LIN54: variants seen among roughly 807,000 people sequenced by gnomAD.
The protein encoded by LIN54 is lin-54 DREAM MuvB core complex component.
A neutral mutation model predicts 78.7 loss-of-function variants in LIN54; 9 were observed. The observed-to-expected ratio is 0.11, with a 90% CI of 0.07 to 0.20. The LOEUF is 0.20. Ranked by LOEUF, LIN54 falls within the 10% of genes least tolerant of loss-of-function variation. LIN54 has a pLI of 1.00. For missense variants in LIN54, 573 were observed against 889.9 expected (o/e 0.64, Z 4.53); for synonymous variants, 269 against 318.4 (o/e 0.84, Z 1.65).
chr4:82,943,190 T>C (rs1452391453), intron 5 of LIN54, among the ~76,000 whole-genome samples: 1 of 152,188 alleles, frequency 6.6e-6, no homozygotes, highest in Non-Finnish European at 1.5e-5. Flanking sequence ...TGAACAATCC[T>C]TTAGAATAGC....
intron 3 of LIN54, among the ~76,000 whole-genome samples, chr4:82,974,226 CA>C (rs1022886402): frequency 2.3e-4 from 33 of 141,270 alleles, no homozygotes; most frequent in East Asian, 1.0e-3. Context: ...ACAAACAAAC[CA>C]AAAAAAAAAG....
At chr4:82,992,601 C>A in intron 1 of LIN54, among the ~76,000 whole-genome samples, 1 of 152,170 alleles carries the variant, frequency 6.6e-6, no homozygotes, top group Non-Finnish European at 1.5e-5. Context: ...AGCAAGCAAA[C>A]CACGACACAG....
At chr4:83,010,130 G>A (rs1729738316) in intron 1 of LIN54, among the ~76,000 whole-genome samples, 1 of 152,102 alleles carries the variant, frequency 6.6e-6, no homozygotes, top group African/African-American at 2.4e-5. Context: ...GATCTTAAAT[G>A]CAGATAAAAT....
intron 1 of LIN54, among the ~76,000 whole-genome samples, chr4:82,986,448 C>T (rs1400062407): frequency 6.6e-6 from 1 of 151,892 alleles, no homozygotes; most frequent in South Asian, 2.1e-4. Context: ...TACACCACCC[C>T]GGCTGGGCAT....
At chr4:83,011,334 A>G (rs769643102), upstream of LIN54, among the ~76,000 whole-genome samples, 12 of 152,204 alleles carry the variant, frequency 7.9e-5, no homozygotes, top group Non-Finnish European at 1.6e-4. Context: ...ATGCAGATGA[A>G]GTGGTCAAAA....
At chr4:82,968,639 G>T (rs913132168) in intron 4 of LIN54, among the ~76,000 whole-genome samples, 2 of 152,066 alleles carry the variant, frequency 1.3e-5, no homozygotes, top group East Asian at 3.8e-4. Flanking sequence ...CACACAGGCC[G>T]CAGCCTAGAG....
rs755192567 is a variant in LIN54, at chr4:82,970,380, T to C, written c.898A>G (p.Thr300Ala). 1.2e-6 allele frequency: 2 copies of C among 1,613,440 alleles called. No homozygotes were observed. The highest frequency in any genetic ancestry group is 2.2e-5 in the South Asian group (2 of 90,970). The part of the protein sequence containing the change: ...SGVIGSTLNS[T>A]TQTPNKIAIS... ...GCTATTTTATTTGGTGTCTGTGTTG[T>C]AGAATTTAAAGTTGATCCAATAACA... The change falls in exon 4 of 13, where the codon ACA (threonine) becomes GCA (alanine). Residue 300 changes from threonine to alanine, a missense_variant. By Grantham distance (58) the Thr-to-Ala change is moderately conservative (BLOSUM62 0). Transcript: ENST00000340417.
intron 4 of LIN54, among the ~76,000 whole-genome samples, chr4:82,963,588 T>C (rs1261808295): frequency 1.3e-5 from 2 of 151,960 alleles, no homozygotes; most frequent in Non-Finnish European, 2.9e-5. Context: ...TCGGAAACAC[T>C]CTATTGTAAG....
At position 82,978,986 on chromosome 4, in the gene LIN54, C is replaced by T. The variant is rs139357134; in HGVS notation, c.705G>A (p.Thr235=). ...KTVQIAKKPR[T]PTSGPVITKL... ...TCGTGATTACTGGACCAGAGGTTGG[C>T]GTTCGAGGCTTCTTAGCAATCTGAA... The change falls in exon 3 of 13, where the codon ACG becomes ACA. Residue 235 remains threonine (T), a synonymous_variant. Transcript: ENST00000340417. 415 of 1,586,502 alleles carry T rather than the reference C, an allele frequency of 2.6e-4. No individual in the cohort carries two copies. In the African/African-American group the frequency reaches 4.1e-3, roughly 16 times the overall value.
intron 9 of LIN54, among the ~76,000 whole-genome samples, chr4:82,936,756 A>G (rs1722426439): frequency 6.6e-6 from 1 of 152,224 alleles, no homozygotes; most frequent in African/African-American, 2.4e-5. Context: ...CTAATAGTTG[A>G]ACTGGCTCAT....
At chr4:82,938,280 C>T (rs1163414986) in intron 8 of LIN54, 133 bp downstream of exon 8, 1 of 540,574 alleles carries the variant, frequency 1.8e-6, no homozygotes, top group Non-Finnish European at 3.3e-6. Flanking sequence ...AATATTTCAA[C>T]AAGTATTTTA....
chr4:82,932,597 TCAC>T (rs1314191503), intron 11 of LIN54, among the ~76,000 whole-genome samples: 1 of 149,164 alleles, frequency 6.7e-6, no homozygotes, highest in Non-Finnish European at 1.5e-5. Flanking sequence ...GGTGGGAGGA[TCAC>T]CTGAGGTCCG....
chr4:82,979,939 CAA>C (rs70943176), intron 2 of LIN54, among the ~76,000 whole-genome samples: 18 of 49,846 alleles, frequency 3.6e-4, no homozygotes, highest in South Asian at 2.8e-3. Context: ...GACTCTGTCT[CAA>C]AAAAAAAAAA....
At chr4:83,008,214 C>T (rs1246943480) in intron 1 of LIN54, among the ~76,000 whole-genome samples, 6 of 152,186 alleles carry the variant, frequency 3.9e-5, no homozygotes, top group African/African-American at 1.4e-4. Flanking sequence ...AGCAAGACCC[C>T]ACTGAATTGA....
In LIN54 at chr4:82,984,888, GT is replaced by G; in HGVS notation, c.-32-13del. 1 of 1,515,322 alleles carries G rather than the reference GT, an allele frequency of 6.6e-7. No homozygotes were observed. Among genetic ancestry groups the G allele is most frequent in the Non-Finnish European group, 8.8e-7 (1 of 1,132,648 alleles). 93.9% of individuals were successfully genotyped at this position (1,515,322 alleles called of 1,614,324 possible). A position where few individuals can be genotyped will look rare whatever the true frequency, so the allele number is the denominator to read the frequency against. ...AAGTTGATCAGGCACTGTAATAAAA[GT>G]TGAAAAATGAACAAGTTACTAGGTT... is the stretch of plus-strand genomic sequence containing the variant. On this transcript the variant is annotated splice_polypyrimidine_tract_variant and intron_variant, in intron 1 of 12. Transcript: ENST00000340417.
At chr4:82,978,589 T>C (rs987917160) in intron 3 of LIN54, among the ~76,000 whole-genome samples, 1 of 152,158 alleles carries the variant, frequency 6.6e-6, no homozygotes, top group Non-Finnish European at 1.5e-5. Context: ...TGTAAAGGGC[T>C]AAGAATGGTG....
At chr4:83,004,691 G>T (rs1477222692) in intron 1 of LIN54, among the ~76,000 whole-genome samples, 1 of 152,012 alleles carries the variant, frequency 6.6e-6, no homozygotes, top group Admixed American at 6.6e-5. Flanking sequence ...TAGAGACAAG[G>T]TCTTGCTACG....
intron 5 of LIN54, among the ~76,000 whole-genome samples, chr4:82,942,791 C>T (rs1723013250): frequency 6.6e-6 from 1 of 151,738 alleles, no homozygotes; most frequent in South Asian, 2.1e-4. Context: ...ACCTGCCTTT[C>T]ATCACATTAA....
At position 82,937,374 on chromosome 4, in the gene LIN54, T is replaced by A. The variant is rs1722473658; in HGVS notation, c.1533-76A>T. On this transcript the variant is annotated intron_variant, in intron 8 of 12. Coordinates refer to ENST00000340417, the MANE Select transcript of LIN54 (RefSeq NM_194282.4). ...AATTAATTTAGTTGCTACAACTAAT[T>A]TAAAATTTAAAAAATTAGACCTAAA... 4.4e-6 allele frequency: 4 copies of A among 902,252 alleles called. No homozygotes were observed. In the East Asian group the frequency reaches 8.8e-5, roughly 20 times the overall value. The allele number at this position is 902,252 out of a possible 1,614,324, so 55.9% of individuals were successfully genotyped here. A position where few individuals can be genotyped will look rare whatever the true frequency, so the allele number is the denominator to read the frequency against.
Sources: allele counts gnomAD v4.1 joint callset (sites outside exome capture counted in the v4.1 genomes callset), GRCh38; gene constraint gnomAD v4.1.1; transcripts MANE v1.5; gene names NCBI Gene and HGNC (gene_info 2026-07-23, HGNC 2026-07-21).